The following BCO1 variants were observed in gnomAD, a reference collection of about 807,000 sequenced individuals.
BCO1 encodes the protein beta-carotene oxygenase 1, also known as beta,beta-carotene 15,15'-dioxygenase.
A neutral mutation model predicts 56.3 loss-of-function variants in BCO1; 54 were observed. That is an observed-to-expected ratio of 0.96 (90% CI 0.77 to 1.20). The LOEUF (loss-of-function observed/expected upper bound fraction) is 1.20. BCO1 is among the 50% of genes most tolerant of loss of function. BCO1 has a pLI of 0.00. For missense variants in BCO1, 801 were observed against 690.9 expected (o/e 1.16, Z -1.79); for synonymous variants, 318 against 266.1 (o/e 1.20, Z -1.90).
intron 7 of BCO1, among the ~76,000 whole-genome samples, chr16:81,277,422 C>T (rs1907623644): frequency 6.6e-6 from 1 of 152,192 alleles, no homozygotes; most frequent in South Asian, 2.1e-4. Flanking sequence ...GGAATGTACG[C>T]CTGTCTGCCT....
At chr16:81,272,624 C>G (rs991879579) in intron 7 of BCO1, among the ~76,000 whole-genome samples, 2 of 152,198 alleles carry the variant, frequency 1.3e-5, no homozygotes, top group African/African-American at 4.8e-5. Context: ...GGTGATGTGG[C>G]CCAGGCTCTG....
intron 5 of BCO1, among the ~76,000 whole-genome samples, chr16:81,267,604 C>G (rs986223840): frequency 1.3e-5 from 2 of 152,128 alleles, no homozygotes; most frequent in African/African-American, 4.8e-5. Context: ...CAGAGGGAGA[C>G]TCTATCTCAG....
chr16:81,287,567 G>T (rs1908257787), intron 10 of BCO1, among the ~76,000 whole-genome samples, 161 bp downstream of exon 10: 1 of 152,138 alleles, frequency 6.6e-6, no homozygotes. Context: ...GGGTGAGGGA[G>T]TCCCCAAGAC....
chr16:81,283,245 A>G (rs1270385898), intron 8 of BCO1, among the ~76,000 whole-genome samples: 3 of 152,218 alleles, frequency 2.0e-5, no homozygotes, highest in Middle Eastern at 3.4e-3. Context: ...ATTCACACCT[A>G]TAATCCCAGC....
chr16:81,252,948 A>C (rs764484146), intron 2 of BCO1, among the ~76,000 whole-genome samples: 30 of 152,074 alleles, frequency 2.0e-4, no homozygotes, highest in Admixed American at 5.2e-4. Context: ...CTCTCTAGTA[A>C]AAATACAAAT....
intron 1 of BCO1, 83 bp downstream of exon 1, chr16:81,239,055 C>G: frequency 7.9e-7 from 1 of 1,273,368 alleles, no homozygotes; most frequent in Non-Finnish European, 1.1e-6. Flanking sequence ...CTCGCTCTGT[C>G]GCCCGGGCTG....
chr16:81,279,183 G>A (rs1191289599), intron 7 of BCO1, among the ~76,000 whole-genome samples: 1 of 152,152 alleles, frequency 6.6e-6, no homozygotes, highest in African/African-American at 2.4e-5. Context: ...GGAGGCTGAG[G>A]TGGAAGGATC....
chr16:81,268,716 C>G (rs924267673), intron 6 of BCO1, among the ~76,000 whole-genome samples: 1 of 152,134 alleles, frequency 6.6e-6, no homozygotes, highest in African/African-American at 2.4e-5. Context: ...TGTATGAATA[C>G]ATGTACGTGT....
At position 81,259,658 on chromosome 16, in the gene BCO1, C is replaced by A; in HGVS notation, c.194-18C>A. On this transcript the variant is annotated intron_variant, in intron 2 of 10. Transcript: ENST00000258168. ...GTGAAGGCGTCAGCCTGAGATTATG[C>A]TGGTTCTTCTCTTGCAGGTGAAGTC... The A allele has an allele frequency of 2.5e-6, 4 of 1,614,194 alleles. No individual in the cohort carries two copies. Among genetic ancestry groups the A allele is most frequent in the Non-Finnish European group, 3.4e-6 (4 of 1,180,018 alleles).
At chr16:81,273,029 G>A (rs1037763916) in intron 7 of BCO1, among the ~76,000 whole-genome samples, 12 of 152,128 alleles carry the variant, frequency 7.9e-5, no homozygotes, top group African/African-American at 2.9e-4. Context: ...GAGTGCAGTG[G>A]TTTAATCTCG....
chr16:81,289,367 G>A (rs1908342039), intron 10 of BCO1, among the ~76,000 whole-genome samples: 1 of 152,170 alleles, frequency 6.6e-6, no homozygotes, highest in Admixed American at 6.5e-5. Context: ...TTCAAGCCAG[G>A]TGCGGTGGTT....
chr16:81,278,887 G>A (rs980043903), intron 7 of BCO1, among the ~76,000 whole-genome samples: 1 of 151,748 alleles, frequency 6.6e-6, no homozygotes, highest in African/African-American at 2.4e-5. Flanking sequence ...ACAAATTTCC[G>A]AGGACCCTTG....
At chr16:81,287,114 G>C (rs1248588527) in intron 9 of BCO1, among the ~76,000 whole-genome samples, 181 bp from the exon 10 acceptor site, 2 of 152,132 alleles carry the variant, frequency 1.3e-5, no homozygotes, top group Non-Finnish European at 2.9e-5. Context: ...GGGGAGGAGA[G>C]TTAGCTCCTG....
chr16:81,269,670 T>C, intron 6 of BCO1, among the ~76,000 whole-genome samples: 1 of 152,214 alleles, frequency 6.6e-6, no homozygotes, highest in Non-Finnish European at 1.5e-5. Flanking sequence ...GGTTTTGCCA[T>C]GTTGGCCAGG....
intron 5 of BCO1, among the ~76,000 whole-genome samples, chr16:81,266,915 ACCAG>A (rs1383283522): frequency 6.6e-6 from 1 of 152,130 alleles, no homozygotes; most frequent in East Asian, 1.9e-4. Flanking sequence ...CATCCCTCCC[ACCAG>A]CCAGCTGTTT....
chr16:81,288,952 T>TCCAA (rs1276122508), intron 10 of BCO1, among the ~76,000 whole-genome samples: 2 of 152,302 alleles, frequency 1.3e-5, no homozygotes, highest in South Asian at 2.1e-4. Flanking sequence ...CACTGTCATC[T>TCCAA]CCAAGGCGGG....
At chr16:81,281,164 G>C (rs1354795894) in intron 8 of BCO1, among the ~76,000 whole-genome samples, 2 of 152,168 alleles carry the variant, frequency 1.3e-5, no homozygotes, top group Admixed American at 1.3e-4. Flanking sequence ...CAATGGGTGA[G>C]GCCAGGCACG....
chr16:81,267,187 G>A (rs893926428), intron 5 of BCO1, among the ~76,000 whole-genome samples: 4 of 152,168 alleles, frequency 2.6e-5, no homozygotes, highest in African/African-American at 9.6e-5. Flanking sequence ...GGAGGAAGGC[G>A]AAGGGGGCTG....
intron 5 of BCO1, among the ~76,000 whole-genome samples, chr16:81,266,699 G>T (rs1034143814): frequency 2.0e-5 from 3 of 152,116 alleles, no homozygotes; most frequent in African/African-American, 7.2e-5. Context: ...AGGCTCAGGG[G>T]ATCAGATGAC....
Sources: gnomAD v4.1 joint callset for allele counts (sites outside exome capture counted in the v4.1 genomes callset) on GRCh38, gnomAD v4.1.1 for gene constraint, MANE v1.5 for transcripts, NCBI Gene and HGNC (gene_info 2026-07-23, HGNC 2026-07-21) for gene names.